GPM6A: variants seen among roughly 807,000 people sequenced by gnomAD.
The protein encoded by GPM6A is glycoprotein M6A.
A neutral mutation model predicts 32.1 loss-of-function variants in GPM6A; 7 were observed. The ratio of observed to expected loss-of-function variants is 0.22; its 90% CI spans 0.12 to 0.41. The LOEUF is 0.41. Ranked by LOEUF, GPM6A falls within the 10% of genes least tolerant of loss-of-function variation. The probability of loss-of-function intolerance (pLI) is 1.00; values close to 1 mark genes in which losing one functional copy is unlikely to be tolerated. For synonymous variants in GPM6A, 130 were observed against 123.4 expected (o/e 1.05, Z -0.35); for missense variants, 235 against 347.2 (o/e 0.68, Z 2.57).
chr4:175,812,601 G>A, upstream of GPM6A: 2 of 1,005,892 alleles, frequency 2.0e-6, no homozygotes, highest in African/African-American at 3.4e-5. Context: ...CACAAGTCTT[G>A]CTTTGCATTT....
intron 1 of GPM6A, among the ~76,000 whole-genome samples, chr4:175,969,368 T>C (rs1740430386): frequency 6.6e-6 from 1 of 152,158 alleles, no homozygotes; most frequent in South Asian, 2.1e-4. Context: ...ACTCAAAGAA[T>C]GTGCAACACG....
At chr4:175,707,408 A>G (rs1453543151) in intron 1 of GPM6A, among the ~76,000 whole-genome samples, 1 of 152,184 alleles carries the variant, frequency 6.6e-6, no homozygotes, top group Non-Finnish European at 1.5e-5. Context: ...TTGCCCTTCT[A>G]CTTTACCAAT....
chr4:175,710,384 C>T (rs967914782), intron 1 of GPM6A, among the ~76,000 whole-genome samples: 1 of 151,722 alleles, frequency 6.6e-6, no homozygotes, highest in African/African-American at 2.4e-5. Flanking sequence ...GATATGCAAA[C>T]TTTTCATTCT....
chr4:175,829,874 G>T (rs1735556448), intron 1 of GPM6A, among the ~76,000 whole-genome samples: 2 of 151,830 alleles, frequency 1.3e-5, no homozygotes, highest in Non-Finnish European at 2.9e-5. Flanking sequence ...TGCAAAATCT[G>T]CCACAAATAG....
At chr4:175,636,937 C>CATATAT (rs562869711) in intron 6 of GPM6A, among the ~76,000 whole-genome samples, 1,327 of 124,198 alleles carry the variant, frequency 0.011, 22 homozygotes, top group African/African-American at 0.037. Context: ...TTCACTCATG[C>CATATAT]ATATATATAT....
chr4:175,741,512 T>C lies in GPM6A; in HGVS notation c.38-39745A>G, dbSNP rs115938887. 1.4e-3 allele frequency among the ~76,000 whole-genome samples: 218 copies of C among 152,264 alleles called. 3 individuals carry two copies. Among genetic ancestry groups the C allele is most frequent in the African/African-American group, 5.0e-3 (209 of 41,584 alleles). ...TTCATATGGAATGCACGACCCTTCA[T>C]TATCAGACTGTATCTAACACCTCAT... is the stretch of plus-strand genomic sequence containing the variant. On this transcript the variant is annotated intron_variant, in intron 1 of 6. Coordinates refer to ENST00000393658, the MANE Select transcript of GPM6A (RefSeq NM_201591.3).
chr4:175,775,096 C>T (rs980310134), intron 1 of GPM6A, among the ~76,000 whole-genome samples: 4 of 151,970 alleles, frequency 2.6e-5, no homozygotes, highest in Admixed American at 1.3e-4. Flanking sequence ...AGGTTCACAA[C>T]CATATCAGTG....
At chr4:175,761,794 T>C (rs939844733) in intron 1 of GPM6A, among the ~76,000 whole-genome samples, 11 of 134,278 alleles carry the variant, frequency 8.2e-5, no homozygotes, top group South Asian at 2.3e-4. Flanking sequence ...AGCCAAATAA[T>C]AAACTTTTTT....
intron 6 of GPM6A, among the ~76,000 whole-genome samples, chr4:175,637,387 T>C (rs1740781041): frequency 2.5e-5 from 2 of 79,808 alleles, no homozygotes; most frequent in Admixed American, 4.5e-4. Flanking sequence ...TTATATAATA[T>C]ATAATAATAT....
At chr4:175,835,415 T>C (rs1393332721) in intron 1 of GPM6A, among the ~76,000 whole-genome samples, 1 of 152,054 alleles carries the variant, frequency 6.6e-6, no homozygotes, top group South Asian at 2.1e-4. Context: ...TCTGAGAAGA[T>C]TTTAAGAAAA....
chr4:175,800,240 G>A (rs923852496), intron 1 of GPM6A, among the ~76,000 whole-genome samples: 1 of 152,044 alleles, frequency 6.6e-6, no homozygotes, highest in African/African-American at 2.4e-5. Context: ...AAAATAAATA[G>A]CTTAAAAGAA....
chr4:175,858,257 C>T (rs1008130824), intron 1 of GPM6A, among the ~76,000 whole-genome samples: 33 of 152,102 alleles, frequency 2.2e-4, no homozygotes, highest in South Asian at 4.1e-4. Flanking sequence ...AAGGGTTGGA[C>T]GCTGCGGCTC....
intron 1 of GPM6A, chr4:175,787,617 C>T: frequency 7.6e-7 from 1 of 1,323,094 alleles, no homozygotes; most frequent in South Asian, 1.9e-5. Flanking sequence ...AAATCACAAC[C>T]CATGTATCTA....
chr4:175,940,069 T>G (rs1279821009), intron 1 of GPM6A, among the ~76,000 whole-genome samples: 1 of 152,148 alleles, frequency 6.6e-6, no homozygotes, highest in African/African-American at 2.4e-5. Context: ...ACAAATATAT[T>G]TTGTATCAGG....
chr4:175,804,812 G>A (rs1734619472), intron 1 of GPM6A, among the ~76,000 whole-genome samples: 1 of 152,140 alleles, frequency 6.6e-6, no homozygotes, highest in South Asian at 2.1e-4. Flanking sequence ...TTGGGAGGCA[G>A]AGGCGGGCGG....
intron 1 of GPM6A, among the ~76,000 whole-genome samples, chr4:175,969,433 G>T (rs1740432609): frequency 6.6e-6 from 1 of 152,160 alleles, no homozygotes; most frequent in South Asian, 2.1e-4. Flanking sequence ...ATCAGGTCAG[G>T]CAAGGTGGCT....
intron 1 of GPM6A, among the ~76,000 whole-genome samples, chr4:175,708,785 A>G (rs1049933258): frequency 2.0e-5 from 3 of 152,214 alleles, no homozygotes; most frequent in Admixed American, 6.5e-5. Flanking sequence ...AGGGACATCA[A>G]TATGTTAATG....
intron 2 of GPM6A, among the ~76,000 whole-genome samples, chr4:175,684,899 T>G (rs1214281089): frequency 6.6e-6 from 1 of 151,972 alleles, no homozygotes; most frequent in Non-Finnish European, 1.5e-5. Context: ...TTATTATTAT[T>G]TTTTTTTGAG....
intron 1 of GPM6A, among the ~76,000 whole-genome samples, chr4:175,879,728 G>A (rs988525236): frequency 6.6e-6 from 1 of 151,900 alleles, no homozygotes; most frequent in African/African-American, 2.4e-5. Flanking sequence ...AGGCAAAATG[G>A]CCTTCTTCCC....
Sources: allele counts gnomAD v4.1 joint callset (sites outside exome capture counted in the v4.1 genomes callset), GRCh38; gene constraint gnomAD v4.1.1; transcripts MANE v1.5; gene names NCBI Gene and HGNC (gene_info 2026-07-23, HGNC 2026-07-21).